MVB12B: variants seen among roughly 807,000 people sequenced by gnomAD.
MVB12B encodes the protein multivesicular body subunit 12B, also known as ESCRT-I complex subunit MVB12B.
Under a neutral mutation model 41.6 loss-of-function variants are expected in MVB12B, and 16 were observed. The observed-to-expected ratio is 0.38, with a 90% CI of 0.26 to 0.58. The LOEUF (loss-of-function observed/expected upper bound fraction) is 0.58. MVB12B is among the 20% of genes least tolerant of loss of function. The pLI is 0.62. For missense variants in MVB12B, 274 were observed against 380.2 expected (o/e 0.72, Z 2.32); for synonymous variants, 133 against 139.7 (o/e 0.95, Z 0.34).
chr9:126,361,204 G>C lies in MVB12B; in HGVS notation c.205-19860G>C, dbSNP rs529534916. Among the ~76,000 whole-genome samples the C allele has an allele frequency of 5.3e-5, 8 of 151,108 alleles. No homozygotes were observed. In the South Asian group the frequency reaches 1.7e-3, roughly 32 times the overall value. On this transcript the variant is annotated intron_variant, in intron 2 of 9. Transcript: ENST00000361171. ...TTATCTCATTTTATTTCCTCTGTTG[G>C]CTTACCAGTTCTATTTCTTTTTGTT...
intron 7 of MVB12B, among the ~76,000 whole-genome samples, chr9:126,423,084 G>A (rs1440070683): frequency 6.6e-6 from 1 of 152,224 alleles, no homozygotes; most frequent in Non-Finnish European, 1.5e-5. Flanking sequence ...AGCATAACAA[G>A]TGTGGAAAGA....
chr9:126,435,854 C>T (rs897338517), intron 7 of MVB12B, among the ~76,000 whole-genome samples: 2 of 152,240 alleles, frequency 1.3e-5, no homozygotes, highest in Non-Finnish European at 2.9e-5. Flanking sequence ...GATGTCCCGT[C>T]TCATGGCAGG....
At chr9:126,419,968 G>A (rs985152455) in intron 6 of MVB12B, among the ~76,000 whole-genome samples, 3 of 152,076 alleles carry the variant, frequency 2.0e-5, no homozygotes, top group Non-Finnish European at 2.9e-5. Context: ...GGTGTTTGGC[G>A]CCCTTTCCAT....
At chr9:126,452,186 C>G (rs773859127) in intron 7 of MVB12B, among the ~76,000 whole-genome samples, 1 of 152,244 alleles carries the variant, frequency 6.6e-6, no homozygotes, top group Non-Finnish European at 1.5e-5. Context: ...TGCAGGCACG[C>G]GCAACCAGGG....
chr9:126,329,760 A>G (rs181185104), intron 1 of MVB12B, among the ~76,000 whole-genome samples: 1 of 152,240 alleles, frequency 6.6e-6, no homozygotes, highest in Admixed American at 6.5e-5. Flanking sequence ...ACAAATGACT[A>G]CATGGCTGGA....
chr9:126,491,019 T>G (rs1309079115), intron 9 of MVB12B, among the ~76,000 whole-genome samples: 1 of 152,258 alleles, frequency 6.6e-6, no homozygotes, highest in African/African-American at 2.4e-5. Context: ...CTAATTTGTG[T>G]CTTTTTAAGT....
chr9:126,423,659 G>C (rs1242690828), intron 7 of MVB12B, among the ~76,000 whole-genome samples: 2 of 152,198 alleles, frequency 1.3e-5, no homozygotes, highest in Non-Finnish European at 1.5e-5. Flanking sequence ...CTGCTTTGTT[G>C]TGTTGCTGCC....
intron 7 of MVB12B, 197 bp from the exon 8 acceptor site, chr9:126,481,170 CCT>C (rs1174826845): frequency 1.5e-5 from 9 of 606,298 alleles, no homozygotes; most frequent in Non-Finnish European, 2.6e-5. Context: ...GAGGCGCCTG[CCT>C]CTCTCAGTAG....
At chr9:126,503,120 GT>G in intron 9 of MVB12B, 56 bp from the exon 10 acceptor site, 3 of 1,432,868 alleles carry the variant, frequency 2.1e-6, no homozygotes, top group Non-Finnish European at 2.9e-6. Flanking sequence ...CTGTGGAGGG[GT>G]TTCCCTAGTG....
chr9:126,330,663 C>T (rs1409902338), intron 1 of MVB12B, among the ~76,000 whole-genome samples: 5 of 152,134 alleles, frequency 3.3e-5, no homozygotes, highest in Admixed American at 6.5e-5. Flanking sequence ...GTGCACAGAT[C>T]GGTGGCATTA....
At chr9:126,449,795 A>G (rs1832857737) in intron 7 of MVB12B, among the ~76,000 whole-genome samples, 1 of 152,168 alleles carries the variant, frequency 6.6e-6, no homozygotes, top group Non-Finnish European at 1.5e-5. Flanking sequence ...AATAATAATC[A>G]ATTTTTATTG....
intron 2 of MVB12B, among the ~76,000 whole-genome samples, chr9:126,359,061 ATT>A (rs1164062424): frequency 1.4e-5 from 2 of 144,322 alleles, no homozygotes; most frequent in Non-Finnish European, 1.5e-5. Flanking sequence ...TTTAATTTTA[ATT>A]TTTTTTTTTT....
chr9:126,401,322 A>G (rs1831263682), intron 6 of MVB12B, among the ~76,000 whole-genome samples: 2 of 152,232 alleles, frequency 1.3e-5, no homozygotes, highest in Admixed American at 1.3e-4. Flanking sequence ...TATTGCAGTC[A>G]TCTTCCTGTA....
Position 126,488,463 on chromosome 9 carries a change from C to T in MVB12B, c.873+4431C>T, listed in dbSNP as rs150407054. On this transcript the variant is annotated intron_variant, in intron 9 of 9. Transcript: ENST00000361171. ...CAGAACATCTCCCCAGGCTCGCCCA[C>T]GATTCCCAGACAGGGTGGAGAGCCT... Among the ~76,000 whole-genome samples, 28 of 152,234 alleles carry T rather than the reference C, an allele frequency of 1.8e-4. No individual in the cohort carries two copies. In the East Asian group the frequency reaches 5.4e-3, roughly 29 times the overall value.
At chr9:126,461,400 C>A (rs1209635627) in intron 7 of MVB12B, among the ~76,000 whole-genome samples, 1 of 152,172 alleles carries the variant, frequency 6.6e-6, no homozygotes, top group Non-Finnish European at 1.5e-5. Context: ...AACAGAAAGT[C>A]TCTTTTAAGC....
At chr9:126,397,531 T>C in intron 6 of MVB12B, 8 of 985,424 alleles carry the variant, frequency 8.1e-6, no homozygotes, top group Non-Finnish European at 9.6e-6. Flanking sequence ...GTCAAAATAG[T>C]CAATATAAAA....
rs1028455575 is a variant in MVB12B, at chr9:126,333,100, T to G, written c.81+6090T>G. On this transcript the variant is annotated intron_variant, in intron 1 of 9. Transcript: ENST00000361171. The surrounding 1 kb of genome is among the most constrained non-coding windows in gnomAD (Gnocchi z 4.7). ...TGACCCTGGTGTTTTGTTTTGTTTT[T>G]TTTTGAGACAGACTCTCACTCTGTC... Among the ~76,000 whole-genome samples, 1 of 152,160 alleles carries G rather than the reference T, an allele frequency of 6.6e-6. No homozygotes were observed. The highest frequency in any genetic ancestry group is 2.4e-5 in the African/African-American group (1 of 41,438).
Position 126,341,431 on chromosome 9 carries a change from T to C in MVB12B, c.204+801T>C, listed in dbSNP as rs78434988. ...TTCTAAGGTGGTCTTATGTTTACTTTCCTCACTTTGTTTGTGACGTTTTGT... is the reference window on the plus strand; with the variant it reads ...TTCTAAGGTGGTCTTATGTTTACTTCCCTCACTTTGTTTGTGACGTTTTGT... On this transcript the variant is annotated intron_variant, in intron 2 of 9. Coordinates refer to ENST00000361171, the MANE Select transcript of MVB12B (RefSeq NM_033446.3). 5.8e-4 allele frequency among the ~76,000 whole-genome samples: 89 copies of C among 152,370 alleles called. No homozygotes were observed. The East Asian group carries it at 0.016, about 27-fold the overall frequency.
intron 7 of MVB12B, among the ~76,000 whole-genome samples, chr9:126,463,425 G>A (rs1395366144): frequency 1.3e-5 from 2 of 152,192 alleles, no homozygotes; most frequent in African/African-American, 2.4e-5. Context: ...GCATAGAAAT[G>A]CCTTTTTCTC....
Sources: allele counts gnomAD v4.1 joint callset (sites outside exome capture counted in the v4.1 genomes callset), GRCh38; gene constraint gnomAD v4.1.1; non-coding constraint Gnocchi (gnomAD v3.1); transcripts MANE v1.5; gene names NCBI Gene and HGNC (gene_info 2026-07-23, HGNC 2026-07-21).